The following ENTREP2 variants were observed in gnomAD, a reference collection of about 807,000 sequenced individuals.
ENTREP2 encodes the protein protein ENTREP2.
At chr15:29,630,781 G>A in the ENTREP2 span, among the ~76,000 whole-genome samples, 5 of 152,214 alleles carry the variant, frequency 3.3e-5, no homozygotes, top group South Asian at 2.1e-4. Flanking sequence ...TCCACCTCCC[G>A]GGTTCAAGTG....
chr15:29,669,785 T>C, the ENTREP2 span, among the ~76,000 whole-genome samples: 1 of 152,192 alleles, frequency 6.6e-6, no homozygotes, highest in Non-Finnish European at 1.5e-5. Context: ...ACTTCCTCAG[T>C]GCATCTTATT....
the ENTREP2 span, chr15:29,136,942 G>A: frequency 4.3e-5 from 47 of 1,103,838 alleles, no homozygotes; most frequent in South Asian, 8.2e-5. Context: ...TGTTCTCACC[G>A]CCATGCCTGC....
the ENTREP2 span, among the ~76,000 whole-genome samples, chr15:29,224,434 T>G: frequency 6.6e-6 from 1 of 152,166 alleles, no homozygotes; most frequent in Non-Finnish European, 1.5e-5. Context: ...GCTTTTAGTC[T>G]TATTTGGCCC....
chr15:29,202,133 A>C, the ENTREP2 span, among the ~76,000 whole-genome samples: 1 of 152,154 alleles, frequency 6.6e-6, no homozygotes, highest in Admixed American at 6.6e-5. Flanking sequence ...GTTTCTTCCC[A>C]GACATTGGGA....
the ENTREP2 span, among the ~76,000 whole-genome samples, chr15:29,244,412 A>G: frequency 1.3e-5 from 2 of 152,238 alleles, no homozygotes; most frequent in Admixed American, 1.3e-4. Flanking sequence ...GTGTTAGTCA[A>G]CCTTTTTCCC....
the ENTREP2 span, among the ~76,000 whole-genome samples, chr15:29,189,491 C>A: frequency 1.7e-4 from 25 of 149,874 alleles, no homozygotes; most frequent in African/African-American, 6.2e-4. Context: ...TGATTGATTT[C>A]TTGGGAAACT....
At chr15:29,655,589 C>A in the ENTREP2 span, among the ~76,000 whole-genome samples, 1 of 151,996 alleles carries the variant, frequency 6.6e-6, no homozygotes, top group Non-Finnish European at 1.5e-5. Context: ...AACTGTCAGA[C>A]AGGAAATTTA....
the ENTREP2 span, among the ~76,000 whole-genome samples, chr15:29,199,597 A>C: frequency 6.6e-6 from 1 of 152,324 alleles, no homozygotes; most frequent in African/African-American, 2.4e-5. Context: ...ACAAATAATA[A>C]AACAATTTTA....
chr15:29,494,388 T>C, the ENTREP2 span, among the ~76,000 whole-genome samples: 1 of 152,186 alleles, frequency 6.6e-6, no homozygotes, highest in Admixed American at 6.5e-5. Flanking sequence ...TATTGTGGTA[T>C]AAGTGACAAA....
chr15:29,212,651 C>A, the ENTREP2 span, among the ~76,000 whole-genome samples: 5 of 152,152 alleles, frequency 3.3e-5, no homozygotes, highest in South Asian at 6.2e-4. Flanking sequence ...TTAGCACCGC[C>A]TTTGCTGTAT....
At chr15:29,381,013 C>T in the ENTREP2 span, among the ~76,000 whole-genome samples, 7 of 151,756 alleles carry the variant, frequency 4.6e-5, no homozygotes, top group South Asian at 2.1e-4. Context: ...CAACATTCCC[C>T]GGCTAATTTT....
At chr15:29,364,209 T>C in the ENTREP2 span, among the ~76,000 whole-genome samples, 9 of 152,260 alleles carry the variant, frequency 5.9e-5, no homozygotes, top group East Asian at 1.5e-3. Context: ...CAGAGGGGAA[T>C]GGATTATGCC....
the ENTREP2 span, among the ~76,000 whole-genome samples, chr15:29,428,689 G>A: frequency 7.2e-4 from 109 of 152,160 alleles, no homozygotes; most frequent in Non-Finnish European, 1.2e-3. Context: ...AATAAATAGC[G>A]CCAGCACTGA....
chr15:29,348,584 T>C, the ENTREP2 span, among the ~76,000 whole-genome samples: 1 of 152,128 alleles, frequency 6.6e-6, no homozygotes, highest in Admixed American at 6.5e-5. Flanking sequence ...AGCATTTCCA[T>C]TACAGGAGTG....
the ENTREP2 span, among the ~76,000 whole-genome samples, chr15:29,377,490 G>T: frequency 6.6e-6 from 1 of 152,040 alleles, no homozygotes; most frequent in Admixed American, 6.6e-5. Flanking sequence ...TAGAATGGTG[G>T]CTCAAGGCAG....
At chr15:29,306,294 G>T in the ENTREP2 span, among the ~76,000 whole-genome samples, 3 of 152,168 alleles carry the variant, frequency 2.0e-5, no homozygotes, top group South Asian at 2.1e-4. Flanking sequence ...AGGATCCTTG[G>T]GGGGGATGAG....
the ENTREP2 span, among the ~76,000 whole-genome samples, chr15:29,193,941 C>T: frequency 2.0e-5 from 3 of 152,064 alleles, no homozygotes; most frequent in African/African-American, 7.2e-5. Context: ...GATCTATATA[C>T]TGAAATTTAC....
chr15:29,584,997 G>GGATA, the ENTREP2 span, among the ~76,000 whole-genome samples: 19,862 of 150,586 alleles, frequency 0.13, 2,378 homozygotes, highest in East Asian at 0.54. Context: ...AAAGATCGAT[G>GGATA]GATAGATAGA....
At chr15:29,170,821 C>T in the ENTREP2 span, among the ~76,000 whole-genome samples, 1 of 152,210 alleles carries the variant, frequency 6.6e-6, no homozygotes, top group Non-Finnish European at 1.5e-5. Flanking sequence ...TTATACCACC[C>T]CATCTAAAGC....
Sources: gnomAD v4.1 joint callset for allele counts (sites outside exome capture counted in the v4.1 genomes callset) on GRCh38, gnomAD v4.1.1 for gene constraint, MANE v1.5 for transcripts, NCBI Gene and HGNC (gene_info 2026-07-23, HGNC 2026-07-21) for gene names.